MOB1A: variants seen among roughly 807,000 people sequenced by gnomAD.
MOB1A encodes the protein MOB kinase activator 1A.
In MOB1A, 10 loss-of-function variants were observed where a neutral mutation model predicts 25.1. The observed-to-expected ratio is 0.40, with a 90% CI of 0.25 to 0.68. MOB1A has a LOEUF of 0.68. Ranked by LOEUF, MOB1A falls within the 30% of genes least tolerant of loss-of-function variation. MOB1A has a pLI of 0.40. For missense variants in MOB1A, 177 were observed against 256.3 expected (o/e 0.69, Z 2.11); for synonymous variants, 81 against 79.5 (o/e 1.02, Z -0.10).
At chr2:74,169,904 C>G (rs1359684456) in intron 2 of MOB1A, among the ~76,000 whole-genome samples, 1 of 152,122 alleles carries the variant, frequency 6.6e-6, no homozygotes, top group African/African-American at 2.4e-5. Context: ...GCTGGGATTA[C>G]AGACATGAGC....
intron 1 of MOB1A, among the ~76,000 whole-genome samples, chr2:74,174,269 C>CAAAAA (rs760925429): frequency 2.0e-4 from 16 of 80,664 alleles, no homozygotes; most frequent in East Asian, 3.0e-4. Flanking sequence ...GACTCCGTCT[C>CAAAAA]AAAAAAAAAA....
At chr2:74,171,180 G>C (rs867845839) in intron 2 of MOB1A, among the ~76,000 whole-genome samples, 8 of 152,048 alleles carry the variant, frequency 5.3e-5, no homozygotes, top group South Asian at 2.1e-4. Context: ...TACTGGGGAG[G>C]CTGAGGCAGG....
At chr2:74,165,946 TA>T (rs1285520256) in intron 3 of MOB1A, among the ~76,000 whole-genome samples, 32 of 152,262 alleles carry the variant, frequency 2.1e-4, no homozygotes, top group Admixed American at 1.3e-3. Flanking sequence ...CAATATAAAA[TA>T]AAAACATTCT....
Position 74,166,600 on chromosome 2 carries a change from C to A in MOB1A, c.275+414G>T, listed in dbSNP as rs149921018. On this transcript the variant is annotated intron_variant, in intron 3 of 5. Transcript: ENST00000396049. ...CTTTAATCCCAGCACTTTGCGAGGC[C>A]GAGGTGGGCAGATCACTTGAGGCCA... Among the ~76,000 whole-genome samples, 232 of 152,190 alleles carry A rather than the reference C, an allele frequency of 1.5e-3. 1 individual carries two copies. Among genetic ancestry groups the A allele is most frequent in the African/African-American group, 5.4e-3 (223 of 41,496 alleles).
chr2:74,163,328 T>C (rs1165010743), intron 4 of MOB1A, among the ~76,000 whole-genome samples: 1 of 152,190 alleles, frequency 6.6e-6, no homozygotes, highest in Non-Finnish European at 1.5e-5. Flanking sequence ...TGGTTAATTA[T>C]AAAATTTAAA....
At position 74,156,337 on chromosome 2, in the gene MOB1A, TAAC is replaced by T. The variant is rs778171352; in HGVS notation, c.*228_*230del. 1.3e-5 allele frequency: 6 copies of T among 475,698 alleles called. No homozygotes were observed. Among genetic ancestry groups the T allele is most frequent in the Non-Finnish European group, 1.9e-5 (5 of 269,022 alleles). The allele number at this position is 475,698 out of a possible 1,614,324, so 29.5% of individuals were successfully genotyped here. ...ATTACAACCAAGTATGACTATGTGA[TAAC>T]AACAAGAGTGGTCACACAGTACTTA... On this transcript the variant is annotated 3_prime_UTR_variant, in exon 6 of 6. Coordinates refer to ENST00000396049, the MANE Select transcript of MOB1A (RefSeq NM_018221.5).
Position 74,153,287 on chromosome 2 carries a change from T to C in MOB1A, c.*3281A>G, listed in dbSNP as rs1692710538. ...TGTTAATGCTTATGAGGTAATGATA[T>C]TATGTTTGAGAAGCTCTACTTCTAG... On this transcript the variant is annotated 3_prime_UTR_variant, in exon 6 of 6. Coordinates refer to ENST00000396049, the MANE Select transcript of MOB1A (RefSeq NM_018221.5). 6.6e-6 allele frequency: 1 copy of C among 152,186 alleles called. No individual in the cohort carries two copies. Among genetic ancestry groups the C allele is most frequent in the African/African-American group, 2.4e-5 (1 of 41,434 alleles). The allele number at this position is 152,186 out of a possible 1,614,324, so 9.4% of individuals were successfully genotyped here. A position where few individuals can be genotyped will look rare whatever the true frequency, so the allele number is the denominator to read the frequency against.
rs1007687594 is a variant in MOB1A, at chr2:74,167,332, G to A, written c.182-225C>T. ...GCAATCTTGGCTCACTGCAACCTCC[G>A]CTTCCCGGGTTCAAGCAATTCTCCT... On this transcript the variant is annotated intron_variant, in intron 2 of 5. Coordinates refer to ENST00000396049, the MANE Select transcript of MOB1A (RefSeq NM_018221.5). Among the ~76,000 whole-genome samples the A allele has an allele frequency of 4.0e-5, 6 of 151,866 alleles. No individual in the cohort carries two copies. The South Asian group carries it at 8.3e-4, about 21-fold the overall frequency.
At chr2:74,169,849 G>A (rs964171512) in intron 2 of MOB1A, among the ~76,000 whole-genome samples, 2 of 152,028 alleles carry the variant, frequency 1.3e-5, no homozygotes, top group Non-Finnish European at 2.9e-5. Flanking sequence ...GGCTGGTCTC[G>A]AACTCCTGAC....
intron 3 of MOB1A, 37 bp downstream of exon 3, chr2:74,166,977 C>G: frequency 7.0e-7 from 1 of 1,423,080 alleles, no homozygotes; most frequent in Non-Finnish European, 9.8e-7. Context: ...TAAAGTAAAA[C>G]TAATCCAAAC....
chr2:74,172,918 C>G, intron 1 of MOB1A, 166 bp from the exon 2 acceptor site: 2 of 693,968 alleles, frequency 2.9e-6, no homozygotes, highest in African/African-American at 1.8e-5. Context: ...TTGGGATCAC[C>G]TGAGGTCAGG....
chr2:74,170,471 G>T (rs981699462), intron 2 of MOB1A, among the ~76,000 whole-genome samples: 1 of 151,656 alleles, frequency 6.6e-6, no homozygotes, highest in Admixed American at 6.6e-5. Context: ...TTTTTTTTTG[G>T]CTGGGTTTTT....
At chr2:74,171,295 A>C (rs1327265391) in intron 2 of MOB1A, among the ~76,000 whole-genome samples, 1 of 151,378 alleles carries the variant, frequency 6.6e-6, no homozygotes, top group Non-Finnish European at 1.5e-5. Flanking sequence ...CTCAAAAAAT[A>C]AAATAAAAAA....
intron 4 of MOB1A, among the ~76,000 whole-genome samples, chr2:74,162,672 G>A (rs1693006951): frequency 6.6e-6 from 1 of 152,100 alleles, no homozygotes; most frequent in Admixed American, 6.6e-5. Context: ...AGGTTTAATA[G>A]CAGAATGGAA....
At chr2:74,170,563 C>T (rs1377835620) in intron 2 of MOB1A, among the ~76,000 whole-genome samples, 2 of 151,466 alleles carry the variant, frequency 1.3e-5, no homozygotes, top group Admixed American at 6.6e-5. Flanking sequence ...GGCAAAACCT[C>T]GTCTCTACTA....
chr2:74,173,003 G>A (rs556527555), intron 1 of MOB1A, among the ~76,000 whole-genome samples: 2 of 152,208 alleles, frequency 1.3e-5, no homozygotes, highest in African/African-American at 2.4e-5. Flanking sequence ...AAGCATGATG[G>A]CGCACACCTG....
intron 2 of MOB1A, among the ~76,000 whole-genome samples, chr2:74,171,382 A>G (rs1209740213): frequency 6.6e-6 from 1 of 152,228 alleles, no homozygotes; most frequent in Non-Finnish European, 1.5e-5. Context: ...GATAAGTTAA[A>G]GGAGGATGGC....
intron 2 of MOB1A, among the ~76,000 whole-genome samples, chr2:74,172,203 T>C (rs1693313070): frequency 6.6e-6 from 1 of 152,230 alleles, no homozygotes; most frequent in Non-Finnish European, 1.5e-5. Context: ...CAATTGACTT[T>C]TCTGGATATG....
At chr2:74,159,793 T>C (rs1371948734) in intron 4 of MOB1A, among the ~76,000 whole-genome samples, 1 of 151,342 alleles carries the variant, frequency 6.6e-6, no homozygotes, top group East Asian at 2.0e-4. Flanking sequence ...TCAAAAATCC[T>C]GTAGTTTTAG....
Sources: allele counts gnomAD v4.1 joint callset (sites outside exome capture counted in the v4.1 genomes callset), GRCh38; gene constraint gnomAD v4.1.1; transcripts MANE v1.5; gene names NCBI Gene and HGNC (gene_info 2026-07-23, HGNC 2026-07-21).